Variants in FAM168A observed in about 807,000 individuals in gnomAD.
The protein encoded by FAM168A is protein FAM168A.
A neutral mutation model predicts 28.5 loss-of-function variants in FAM168A; 3 were observed. That is an observed-to-expected ratio of 0.11 (90% CI 0.05 to 0.27). The LOEUF is 0.27. Among genes scored for constraint, FAM168A ranks in the 10% least tolerant of loss-of-function variants. FAM168A has a pLI of 1.00. For synonymous variants in FAM168A, 122 were observed against 124.2 expected (o/e 0.98, Z 0.12); for missense variants, 222 against 311.5 (o/e 0.71, Z 2.16).
chr11:73,465,067 C>T (rs773164604), intron 2 of FAM168A, among the ~76,000 whole-genome samples: 9 of 151,546 alleles, frequency 5.9e-5, no homozygotes, highest in Middle Eastern at 3.2e-3. Flanking sequence ...GAGCCAGGCA[C>T]GACACGAGAA....
intron 1 of FAM168A, among the ~76,000 whole-genome samples, chr11:73,499,957 T>C (rs903709993): frequency 1.3e-5 from 2 of 152,026 alleles, no homozygotes; most frequent in African/African-American, 4.8e-5. Flanking sequence ...CTCCAGGATA[T>C]TATCCAGGAG....
At chr11:73,493,601 A>G (rs979298071) in intron 1 of FAM168A, among the ~76,000 whole-genome samples, 1 of 152,078 alleles carries the variant, frequency 6.6e-6, no homozygotes, top group African/African-American at 2.4e-5. Flanking sequence ...TTTGTTTTGT[A>G]GAGACAGGGT....
chr11:73,475,724 T>C lies in FAM168A; in HGVS notation c.-18-7232A>G, dbSNP rs143140753. 5.9e-3 allele frequency among the ~76,000 whole-genome samples: 899 copies of C among 152,176 alleles called. 8 individuals carry two copies. Among genetic ancestry groups the C allele is most frequent in the Middle Eastern group, 0.027 (8 of 292 alleles). On this transcript the variant is annotated intron_variant, in intron 1 of 7. Transcript: ENST00000356467. ...CCACATTAAGAACAGTGAAAATCCA[T>C]GGCATTTTACCCTGGGGCTGCCCTT...
rs1161493998 is a variant in FAM168A, at chr11:73,424,379, G to A, written c.152-4380C>T. Among the ~76,000 whole-genome samples, 4 of 152,198 alleles carry A rather than the reference G, an allele frequency of 2.6e-5. No individual in the cohort carries two copies. The East Asian group carries it at 7.7e-4, about 29-fold the overall frequency. On this transcript the variant is annotated intron_variant, in intron 3 of 7. Coordinates refer to ENST00000356467, the MANE Select transcript of FAM168A (RefSeq NM_015159.3). ...TCCTGTCTATGACAAAAAGGACCTA[G>A]TCAAGTTATACTGTTGGGACCCTCA...
rs138040352 is a variant in FAM168A at position 73,567,269 on chromosome 11, G to A, written c.-19+30654C>T. Among the ~76,000 whole-genome samples, 892 of 152,302 alleles carry A rather than the reference G, an allele frequency of 5.9e-3. 8 individuals are homozygous for A. Among genetic ancestry groups the A allele is most frequent in the Middle Eastern group, 0.027 (8 of 294 alleles). Reference sequence around the variant, plus strand: ...AGGAAATCTCAAATTTCCGGCTTGAGTGACTGAGAAAATGGTGATGTCATT... The same window carrying A: ...AGGAAATCTCAAATTTCCGGCTTGAATGACTGAGAAAATGGTGATGTCATT... On this transcript the variant is annotated intron_variant, in intron 1 of 7. Transcript: ENST00000356467.
intron 1 of FAM168A, among the ~76,000 whole-genome samples, chr11:73,499,052 A>C (rs1409236103): frequency 6.6e-6 from 1 of 152,192 alleles, no homozygotes; most frequent in Non-Finnish European, 1.5e-5. Flanking sequence ...CGTGCCACCC[A>C]AGACCCTTCG....
rs77922227 is a variant in FAM168A at position 73,562,469 on chromosome 11, G to T, written c.-19+35454C>A. 9.9e-3 allele frequency among the ~76,000 whole-genome samples: 1,508 copies of T among 152,300 alleles called. 29 individuals carry two copies. The highest frequency in any genetic ancestry group is 0.034 in the African/African-American group (1,406 of 41,566). On this transcript the variant is annotated intron_variant, in intron 1 of 7. Transcript: ENST00000356467. ...TCCATCACAGAATGAAGCGTATAAT[G>T]CTAGTTAGACTTTTTCATTTGATTT...
At chr11:73,423,488 C>T (rs567542068) in intron 3 of FAM168A, among the ~76,000 whole-genome samples, 1 of 152,292 alleles carries the variant, frequency 6.6e-6, no homozygotes, top group East Asian at 1.9e-4. Flanking sequence ...TTCTCAATCT[C>T]CAGCCCATAC....
chr11:73,551,981 A>G (rs771652649), intron 1 of FAM168A, among the ~76,000 whole-genome samples: 60 of 152,352 alleles, frequency 3.9e-4, no homozygotes, highest in Middle Eastern at 6.8e-3. Context: ...AGAAAGGAAT[A>G]TGTGGGGAAA....
At chr11:73,563,606 T>C (rs967114081) in intron 1 of FAM168A, among the ~76,000 whole-genome samples, 1 of 152,206 alleles carries the variant, frequency 6.6e-6, no homozygotes, top group Non-Finnish European at 1.5e-5. Flanking sequence ...ATTGTATAAT[T>C]AAATGGTCAA....
intron 1 of FAM168A, among the ~76,000 whole-genome samples, chr11:73,567,786 G>A (rs1438526338): frequency 6.6e-6 from 1 of 152,032 alleles, no homozygotes; most frequent in African/African-American, 2.4e-5. Context: ...CTTATTTCAA[G>A]GTAGATGTGT....
chr11:73,597,967 C>T lies in FAM168A; in HGVS notation c.-63G>A. ...AAAACGGCGGCGGCGGCGGCTGAGG[C>T]GGCGATGCCCTTGTCTTCTCCGGAG... On this transcript the variant is annotated 5_prime_UTR_variant, in exon 1 of 8. Transcript: ENST00000356467. The T allele has an allele frequency of 6.4e-6, 1 of 156,434 alleles. No homozygotes were observed. Among genetic ancestry groups the T allele is most frequent in the South Asian group, 1.9e-4 (1 of 5,356 alleles). 9.7% of individuals were successfully genotyped at this position (156,434 alleles called of 1,614,324 possible).
chr11:73,460,550 C>A (rs922676611), intron 2 of FAM168A, among the ~76,000 whole-genome samples: 1 of 139,284 alleles, frequency 7.2e-6, no homozygotes, highest in African/African-American at 2.7e-5. Context: ...ATTGCCCAGG[C>A]TGGAGTATAG....
chr11:73,457,723 C>CAAAAAAAAAAAAAAAAAAAAAAAAA (rs58142151), intron 2 of FAM168A, among the ~76,000 whole-genome samples: 11 of 37,542 alleles, frequency 2.9e-4, no homozygotes, highest in Non-Finnish European at 6.2e-4. Context: ...GCCTGGGTGA[C>CAAAAAAAAAAAAAAAAAAAAAAAAA]AAAAAAAAAA....
Position 73,430,701 on chromosome 11 carries a change from C to A in FAM168A, c.140G>T (p.Ser47Ile), listed in dbSNP as rs1282203920. The A allele has an allele frequency of 3.7e-6, 6 of 1,613,710 alleles. No homozygotes were observed. Among genetic ancestry groups the A allele is most frequent in the Admixed American group, 1.7e-5 (1 of 60,016 alleles). The change falls in exon 3 of 8, where the codon AGT (serine) becomes ATT (isoleucine). Residue 47 changes from serine to isoleucine, a missense_variant. Ser to Ile is a moderately radical substitution (Grantham distance 142). Coordinates refer to ENST00000356467, the MANE Select transcript of FAM168A (RefSeq NM_015159.3). ...NPSLYPTNSP[S>I]YAPATLLMKQ... is the part of the protein sequence containing the mutation. ...CATTTCCTCCTTACCTGGAGCATAA[C>A]TGGGACTATTGGTGGGGTACAGGCT...
intron 1 of FAM168A, among the ~76,000 whole-genome samples, chr11:73,541,022 T>C (rs116059422): frequency 0.016 from 2,405 of 152,172 alleles, 63 homozygotes; most frequent in African/African-American, 0.055. Flanking sequence ...CTGTCCAACA[T>C]GCTGAAACTC....
At chr11:73,535,256 A>T (rs1039658600) in intron 1 of FAM168A, among the ~76,000 whole-genome samples, 5 of 151,864 alleles carry the variant, frequency 3.3e-5, no homozygotes, top group African/African-American at 1.2e-4. Context: ...CACATCTAAT[A>T]AACTCAGTAA....
At chr11:73,453,423 C>T (rs1005263441) in intron 2 of FAM168A, among the ~76,000 whole-genome samples, 1 of 151,948 alleles carries the variant, frequency 6.6e-6, no homozygotes, top group African/African-American at 2.4e-5. Context: ...GAGTTCTCTT[C>T]GAAAAAGAGA....
rs1867026337 is a variant in FAM168A, at chr11:73,433,123, A to T, written c.71-2353T>A. On this transcript the variant is annotated intron_variant, in intron 2 of 7. Transcript: ENST00000356467. The stretch of plus-strand genomic sequence containing the variant: ...TTTTTTTTGTAGAGACGGGGGTCTC[A>T]TTATGTTGCCCACACTGGTCTCAAA... 3.2e-5 allele frequency among the ~76,000 whole-genome samples: 3 copies of T among 92,866 alleles called. 1 individual carries two copies. The highest frequency in any genetic ancestry group is 0.015 in the Middle Eastern group (1 of 68). The allele number at this position is 92,866 out of a possible 152,430, so 60.9% of individuals were successfully genotyped here.
Sources: allele counts gnomAD v4.1 joint callset (sites outside exome capture counted in the v4.1 genomes callset), GRCh38; gene constraint gnomAD v4.1.1; transcripts MANE v1.5; gene names NCBI Gene and HGNC (gene_info 2026-07-23, HGNC 2026-07-21).